CCNY: variants seen among roughly 807,000 people sequenced by gnomAD.
The protein encoded by CCNY is cyclin-Y.
A neutral mutation model predicts 42.8 loss-of-function variants in CCNY; 19 were observed. The ratio of observed to expected loss-of-function variants is 0.44; its 90% CI spans 0.31 to 0.65. The LOEUF (loss-of-function observed/expected upper bound fraction) is 0.65, where lower values mean the gene tolerates loss of function less well. Among genes scored for constraint, CCNY ranks in the 30% least tolerant of loss-of-function variants. CCNY has a pLI of 0.07. For missense variants in CCNY, 370 were observed against 437.3 expected (o/e 0.85, Z 1.37); for synonymous variants, 165 against 162.7 (o/e 1.01, Z -0.11).
intron 2 of CCNY, among the ~76,000 whole-genome samples, chr10:35,248,464 C>A (rs555099187): frequency 4.0e-5 from 6 of 151,576 alleles, no homozygotes; most frequent in Non-Finnish European, 8.8e-5. Flanking sequence ...GCTAACACAG[C>A]GAAACCCCAT....
chr10:35,391,771 C>T (rs1289691459), intron 1 of CCNY, among the ~76,000 whole-genome samples: 3 of 152,130 alleles, frequency 2.0e-5, no homozygotes, highest in African/African-American at 7.2e-5. Flanking sequence ...CAGTGGTAGA[C>T]ATAACTGTCA....
At chr10:35,449,226 G>A (rs1474502024) in intron 1 of CCNY, among the ~76,000 whole-genome samples, 1 of 144,090 alleles carries the variant, frequency 6.9e-6, no homozygotes, top group Non-Finnish European at 1.5e-5. Context: ...GGAGGGAAGG[G>A]ACAAGGAAGC....
chr10:35,281,506 C>T (rs1048660333), intron 3 of CCNY, among the ~76,000 whole-genome samples: 7 of 151,878 alleles, frequency 4.6e-5, no homozygotes, highest in Non-Finnish European at 1.0e-4. Flanking sequence ...GTTTCAGCAT[C>T]TTGGCCAGGC....
rs543175553 is a variant in CCNY, at chr10:35,451,698, C to G, written c.155-31706C>G. 3.3e-5 allele frequency among the ~76,000 whole-genome samples: 5 copies of G among 152,234 alleles called. No homozygotes were observed. In the South Asian group the frequency reaches 1.0e-3, roughly 31 times the overall value. ...CCAGGAGCCTCCTGAGGCCAGTCCC[C>G]CATAGTGCCTGGGCCACACGGGGCT... On this transcript the variant is annotated intron_variant, in intron 1 of 9. Transcript: ENST00000374704.
At chr10:35,398,151 C>T (rs984920163) in intron 1 of CCNY, among the ~76,000 whole-genome samples, 10 of 152,148 alleles carry the variant, frequency 6.6e-5, no homozygotes, top group African/African-American at 2.4e-4. Flanking sequence ...ACCAGGAAGC[C>T]AGTGGGGGTC....
upstream of CCNY, chr10:35,335,899 G>GACACACACAC (rs144039786): frequency 3.1e-5 from 2 of 64,708 alleles, no homozygotes; most frequent in Non-Finnish European, 6.2e-5. Context: ...CTACTTTGGA[G>GACACACACAC]ACACACACAC....
intron 7 of CCNY, among the ~76,000 whole-genome samples, chr10:35,533,446 G>A (rs1840813257): frequency 6.6e-6 from 1 of 152,144 alleles, no homozygotes; most frequent in Admixed American, 6.5e-5. Context: ...TCTCCTCAGT[G>A]TCATGCTGCA....
At chr10:35,517,987 C>G (rs189267625) in intron 4 of CCNY, among the ~76,000 whole-genome samples, 1 of 152,304 alleles carries the variant, frequency 6.6e-6, no homozygotes, top group African/African-American at 2.4e-5. Flanking sequence ...TCTGAGGAGC[C>G]CAGAACAGAA....
At chr10:35,491,083 G>A (rs962727598) in intron 2 of CCNY, among the ~76,000 whole-genome samples, 8 of 152,272 alleles carry the variant, frequency 5.3e-5, no homozygotes, top group Middle Eastern at 6.8e-3. Context: ...GTAGTTGAGT[G>A]TGCAGACAGG....
chr10:35,433,499 G>A (rs142991812), intron 1 of CCNY, among the ~76,000 whole-genome samples: 232 of 152,270 alleles, frequency 1.5e-3, no homozygotes, highest in African/African-American at 5.1e-3. Flanking sequence ...GGAAAATAAT[G>A]TTCAGTGTTC....
intron 1 of CCNY, among the ~76,000 whole-genome samples, chr10:35,413,152 C>A (rs1374559685): frequency 6.6e-6 from 1 of 152,016 alleles, no homozygotes; most frequent in South Asian, 2.1e-4. Flanking sequence ...CACTTGGGAG[C>A]TAGATTAGAA....
chr10:35,502,336 A>G (rs1840127555), intron 3 of CCNY, among the ~76,000 whole-genome samples: 1 of 152,338 alleles, frequency 6.6e-6, no homozygotes, highest in Admixed American at 6.5e-5. Context: ...CATTCTAAAA[A>G]CAGAACCACA....
intron 1 of CCNY, among the ~76,000 whole-genome samples, chr10:35,479,306 C>G (rs1452247111): frequency 2.0e-5 from 3 of 151,064 alleles, no homozygotes; most frequent in Non-Finnish European, 4.4e-5. Context: ...CACATGCACA[C>G]GTATGTTTAT....
At chr10:35,402,813 T>A (rs893785963) in intron 1 of CCNY, among the ~76,000 whole-genome samples, 1 of 152,088 alleles carries the variant, frequency 6.6e-6, no homozygotes, top group Admixed American at 6.5e-5. Flanking sequence ...GGGTGGCAAT[T>A]TGAGGTAAAA....
chr10:35,370,416 G>A (rs1007252892), intron 1 of CCNY, among the ~76,000 whole-genome samples: 2 of 152,070 alleles, frequency 1.3e-5, no homozygotes, highest in African/African-American at 4.8e-5. Flanking sequence ...CTCCCAGAGT[G>A]TTGGGATTAC....
At position 35,336,982 on chromosome 10, in the gene CCNY, C is replaced by T; in HGVS notation, c.-72C>T. 8.1e-7 allele frequency: 1 copy of T among 1,229,058 alleles called. No individual in the cohort carries two copies. Among genetic ancestry groups the T allele is most frequent in the Non-Finnish European group, 1.0e-6 (1 of 963,030 alleles). 76.1% of individuals were successfully genotyped at this position (1,229,058 alleles called of 1,614,324 possible). A position where few individuals can be genotyped will look rare whatever the true frequency, so the allele number is the denominator to read the frequency against. ...CCACACGCCCCCGCCGCCCGCGCCC[C>T]GCGTCCACCCGCGCCCCGCTCCCGG... On this transcript the variant is annotated 5_prime_UTR_variant, in exon 1 of 10. Coordinates refer to ENST00000374704, the MANE Select transcript of CCNY (RefSeq NM_145012.6).
At chr10:35,548,582 C>T (rs1841171309) in intron 7 of CCNY, among the ~76,000 whole-genome samples, 1 of 152,096 alleles carries the variant, frequency 6.6e-6, no homozygotes, top group Admixed American at 6.6e-5. Context: ...AGGCTTGAGC[C>T]ACCGCACCCA....
At chr10:35,268,495 G>A (rs2095727896) in intron 3 of CCNY, among the ~76,000 whole-genome samples, 1 of 152,182 alleles carries the variant, frequency 6.6e-6, no homozygotes, top group African/African-American at 2.4e-5. Flanking sequence ...ACAGGTTTGT[G>A]TTGTGTTCCT....
At chr10:35,367,851 A>G (rs1353534837) in intron 1 of CCNY, among the ~76,000 whole-genome samples, 1 of 152,236 alleles carries the variant, frequency 6.6e-6, no homozygotes, top group Non-Finnish European at 1.5e-5. Context: ...ACTGACTCTC[A>G]TGGGACCTCT....
Sources: allele counts gnomAD v4.1 joint callset (sites outside exome capture counted in the v4.1 genomes callset), GRCh38; gene constraint gnomAD v4.1.1; transcripts MANE v1.5; gene names NCBI Gene and HGNC (gene_info 2026-07-23, HGNC 2026-07-21).